PXDNL: variants seen among roughly 807,000 people sequenced by gnomAD.
PXDNL encodes the protein peroxidasin like.
PXDNL carries 145 observed loss-of-function variants against 150.8 expected under a neutral mutation model. That is an observed-to-expected ratio of 0.96 (90% CI 0.84 to 1.10). The LOEUF (loss-of-function observed/expected upper bound fraction) is 1.10. Ranked by LOEUF, PXDNL falls within the 50% of genes least tolerant of loss-of-function variation. The probability of loss-of-function intolerance (pLI) is 0.00; values close to 1 mark genes in which losing one functional copy is unlikely to be tolerated. For missense variants in PXDNL, 2,087 were observed against 1,873.9 expected (o/e 1.11, Z -2.10); for synonymous variants, 757 against 725.7 (o/e 1.04, Z -0.69).
At chr8:51,740,517 C>T (rs967934143) in intron 1 of PXDNL, among the ~76,000 whole-genome samples, 6 of 152,112 alleles carry the variant, frequency 3.9e-5, no homozygotes, top group Non-Finnish European at 7.4e-5. Flanking sequence ...TTTTAATAAT[C>T]GCCACTCTGA....
chr8:51,385,966 A>G (rs1807696384), intron 17 of PXDNL, among the ~76,000 whole-genome samples: 1 of 152,188 alleles, frequency 6.6e-6, no homozygotes, highest in African/African-American at 2.4e-5. Context: ...AATCTCCAGT[A>G]TGTGTTTATC....
intron 8 of PXDNL, among the ~76,000 whole-genome samples, chr8:51,471,280 C>T (rs868845156): frequency 3.3e-5 from 5 of 152,002 alleles, no homozygotes; most frequent in Admixed American, 6.5e-5. Context: ...AAAACTACAA[C>T]GAGATACCAT....
At chr8:51,371,824 T>G in intron 19 of PXDNL, 49 bp downstream of exon 19, 31 of 1,466,220 alleles carry the variant, frequency 2.1e-5, no homozygotes, top group East Asian at 4.6e-5. Flanking sequence ...AATTCAAGCA[T>G]GAGAACATGC....
In PXDNL at chr8:51,694,000, T is replaced by C. The variant is rs1192000588; in HGVS notation, c.165-39240A>G. Reference sequence around the variant, plus strand: ...AATCACACTTCTGTTTTTCAAGTAATATTCCAAAGCATCACTCTTTTTGGG... The same window carrying C: ...AATCACACTTCTGTTTTTCAAGTAACATTCCAAAGCATCACTCTTTTTGGG... On this transcript the variant is annotated intron_variant, in intron 1 of 22. Transcript: ENST00000356297. 3.9e-5 allele frequency among the ~76,000 whole-genome samples: 6 copies of C among 152,310 alleles called. No homozygotes were observed. In the East Asian group the frequency reaches 7.7e-4, roughly 20 times the overall value.
chr8:51,379,117 C>T (rs1321559850), intron 17 of PXDNL, among the ~76,000 whole-genome samples: 1 of 152,038 alleles, frequency 6.6e-6, no homozygotes, highest in African/African-American at 2.4e-5. Flanking sequence ...AATTAGTTTC[C>T]CTTCTTTTTC....
At chr8:51,603,940 C>A (rs1813783065) in intron 2 of PXDNL, among the ~76,000 whole-genome samples, 1 of 152,066 alleles carries the variant, frequency 6.6e-6, no homozygotes, top group African/African-American at 2.4e-5. Context: ...TAATTACTAT[C>A]ATAAGCAGTA....
chr8:51,442,206 T>C (rs1356287308), intron 12 of PXDNL, among the ~76,000 whole-genome samples: 4 of 151,548 alleles, frequency 2.6e-5, no homozygotes, highest in Non-Finnish European at 5.9e-5. Flanking sequence ...CCAGATAAAA[T>C]GGAACAAATT....
chr8:51,739,711 A>T (rs1419972091), intron 1 of PXDNL, among the ~76,000 whole-genome samples: 1 of 149,340 alleles, frequency 6.7e-6, no homozygotes, highest in African/African-American at 2.5e-5. Context: ...CGTTTCTACT[A>T]AAAAAAAATA....
chr8:51,639,745 T>G (rs978925783), intron 2 of PXDNL, among the ~76,000 whole-genome samples: 1 of 152,020 alleles, frequency 6.6e-6, no homozygotes. Context: ...CAGGACCAGA[T>G]GGATTCACAG....
At chr8:51,495,792 C>T (rs1407428495) in intron 5 of PXDNL, among the ~76,000 whole-genome samples, 3 of 152,114 alleles carry the variant, frequency 2.0e-5, no homozygotes, top group African/African-American at 7.2e-5. Context: ...TAATTAATAG[C>T]TTACCAACCA....
At chr8:51,332,258 C>T (rs1333711623) in intron 21 of PXDNL, among the ~76,000 whole-genome samples, 2 of 152,096 alleles carry the variant, frequency 1.3e-5, no homozygotes, top group Non-Finnish European at 2.9e-5. Context: ...CACAGGAAGC[C>T]ACAACCATGG....
chr8:51,410,128 G>A (rs542547978), intron 16 of PXDNL, among the ~76,000 whole-genome samples: 1 of 152,160 alleles, frequency 6.6e-6, no homozygotes, highest in Non-Finnish European at 1.5e-5. Flanking sequence ...TGGATCATGT[G>A]AATATTAACC....
intron 4 of PXDNL, among the ~76,000 whole-genome samples, chr8:51,510,765 G>C (rs1378572070): frequency 1.3e-5 from 2 of 152,208 alleles, no homozygotes; most frequent in African/African-American, 4.8e-5. Context: ...GGAGGCCAAA[G>C]CGGGTGGATC....
chr8:51,413,372 A>G, intron 14 of PXDNL, 114 bp from the exon 15 acceptor site: 1 of 632,134 alleles, frequency 1.6e-6, no homozygotes, highest in Non-Finnish European at 2.8e-6. Context: ...TAAAACCTCT[A>G]AGACAATGAA....
At chr8:51,501,300 A>G (rs1811170924) in intron 4 of PXDNL, among the ~76,000 whole-genome samples, 1 of 151,978 alleles carries the variant, frequency 6.6e-6, no homozygotes, top group Non-Finnish European at 1.5e-5. Context: ...AGACTCTCAC[A>G]CACACAGACA....
chr8:51,716,233 CTA>C (rs1044374944), intron 1 of PXDNL, among the ~76,000 whole-genome samples: 2 of 152,230 alleles, frequency 1.3e-5, no homozygotes, highest in African/African-American at 2.4e-5. Flanking sequence ...AAGGAAAGAT[CTA>C]TGTTTAATGA....
rs181363734 is a variant in PXDNL, at chr8:51,642,880, C to T, written c.236+11809G>A. Among the ~76,000 whole-genome samples, 20 of 152,298 alleles carry T rather than the reference C, an allele frequency of 1.3e-4. No individual in the cohort carries two copies. The East Asian group carries it at 3.9e-3, about 29-fold the overall frequency. On this transcript the variant is annotated intron_variant, in intron 2 of 22. Transcript: ENST00000356297. Reference sequence around the variant, plus strand: ...AAAATCAACGTGCAAAAATCACAAGCATTCTTATACACCAATAACAGGCAA... The same window carrying T: ...AAAATCAACGTGCAAAAATCACAAGTATTCTTATACACCAATAACAGGCAA...
intron 1 of PXDNL, among the ~76,000 whole-genome samples, chr8:51,792,118 C>T (rs1326579726): frequency 6.6e-6 from 1 of 151,990 alleles, no homozygotes; most frequent in Non-Finnish European, 1.5e-5. Flanking sequence ...CAATCAGCTA[C>T]TTGAAATCTT....
chr8:51,685,113 C>T (rs1815843727), intron 1 of PXDNL, among the ~76,000 whole-genome samples: 1 of 152,196 alleles, frequency 6.6e-6, no homozygotes, highest in Non-Finnish European at 1.5e-5. Flanking sequence ...TGGCACAAAC[C>T]AATGTGTCTC....
Sources: gnomAD v4.1 joint callset for allele counts (sites outside exome capture counted in the v4.1 genomes callset) on GRCh38, gnomAD v4.1.1 for gene constraint, MANE v1.5 for transcripts, NCBI Gene and HGNC (gene_info 2026-07-23, HGNC 2026-07-21) for gene names.